Variants in UBE2E2 observed in about 807,000 individuals in gnomAD.
UBE2E2 encodes ubiquitin conjugating enzyme E2 E2, also known as ubiquitin-conjugating enzyme E2 E2.
A neutral mutation model predicts 24.7 loss-of-function variants in UBE2E2; 6 were observed. The observed-to-expected ratio is 0.24, with a 90% CI of 0.13 to 0.48. The LOEUF (loss-of-function observed/expected upper bound fraction) is 0.48. Ranked by LOEUF, UBE2E2 falls within the 20% of genes least tolerant of loss-of-function variation. The probability of loss-of-function intolerance (pLI) is 0.99; values close to 1 mark genes in which losing one functional copy is unlikely to be tolerated. For synonymous variants in UBE2E2, 104 were observed against 83.6 expected, an observed-to-expected ratio of 1.24 and a Z score of -1.33; for missense variants, 169 against 245.0, an observed-to-expected ratio of 0.69 and a Z score of 2.07.
chr3:23,479,549 G>A (rs1047602584), intron 3 of UBE2E2, among the ~76,000 whole-genome samples: 1 of 152,078 alleles, frequency 6.6e-6, no homozygotes, highest in Non-Finnish European at 1.5e-5. Context: ...GGTAGGGGGG[G>A]TATGTTTCAG....
chr3:23,347,325 T>C (rs1162730666), intron 3 of UBE2E2, among the ~76,000 whole-genome samples: 1 of 152,144 alleles, frequency 6.6e-6, no homozygotes, highest in Non-Finnish European at 1.5e-5. Context: ...AATAATAGAC[T>C]GAATTAAGAA....
At chr3:23,281,154 A>G (rs753748645) in intron 3 of UBE2E2, among the ~76,000 whole-genome samples, 10 of 152,244 alleles carry the variant, frequency 6.6e-5, no homozygotes, top group Non-Finnish European at 1.2e-4. Flanking sequence ...TTGAGTTGCA[A>G]TATATGAATT....
intron 3 of UBE2E2, among the ~76,000 whole-genome samples, chr3:23,467,818 G>C (rs541017916): frequency 3.6e-4 from 55 of 152,182 alleles, no homozygotes; most frequent in Non-Finnish European, 6.3e-4. Context: ...CTGCTTCTGG[G>C]GAGGCCTCAG....
At chr3:23,395,774 T>A in intron 3 of UBE2E2, among the ~76,000 whole-genome samples, 1 of 152,186 alleles carries the variant, frequency 6.6e-6, no homozygotes, top group East Asian at 1.9e-4. Flanking sequence ...ATAAGTGCTC[T>A]CTGTTCTGTC....
chr3:23,300,419 T>C (rs1575544303), intron 3 of UBE2E2, among the ~76,000 whole-genome samples: 1 of 152,238 alleles, frequency 6.6e-6, no homozygotes, highest in African/African-American at 2.4e-5. Context: ...CAGTGGCTGG[T>C]ACCGGTTGTC....
At chr3:23,556,454 T>TTTAAAAAAAAA (rs1553620573) in intron 5 of UBE2E2, among the ~76,000 whole-genome samples, 1 of 94,342 alleles carries the variant, frequency 1.1e-5, no homozygotes, top group African/African-American at 4.5e-5. Context: ...AAAATTTATT[T>TTTAAAAAAAAA]AAAAAAAAAA....
chr3:23,557,605 G>A (rs1370794762), intron 5 of UBE2E2, among the ~76,000 whole-genome samples: 1 of 152,178 alleles, frequency 6.6e-6, no homozygotes, highest in Non-Finnish European at 1.5e-5. Context: ...GACGCAGTGA[G>A]AACATGCAAA....
At chr3:23,499,799 A>T in intron 4 of UBE2E2, 59 bp downstream of exon 4, 1 of 1,563,846 alleles carries the variant, frequency 6.4e-7, no homozygotes, top group Non-Finnish European at 8.7e-7. Context: ...AGATACATAT[A>T]CTTATTCTTA....
chr3:23,219,362 G>T (rs1295765682), intron 3 of UBE2E2, among the ~76,000 whole-genome samples: 2 of 152,160 alleles, frequency 1.3e-5, no homozygotes, highest in Non-Finnish European at 2.9e-5. Context: ...CTTATTAAGT[G>T]CATCACTGTG....
chr3:23,332,675 GTGTGTGT>G (rs1350297826), intron 3 of UBE2E2, among the ~76,000 whole-genome samples: 6,760 of 106,486 alleles, frequency 0.063, 215 homozygotes, highest in Non-Finnish European at 0.089. Flanking sequence ...AGCCAGTGGG[GTGTGTGT>G]GTGTGTGTGT....
In UBE2E2 at chr3:23,298,111, T is replaced by C. The variant is rs149580528; in HGVS notation, c.227+80799T>C. Among the ~76,000 whole-genome samples the C allele has an allele frequency of 4.9e-3, 743 of 152,316 alleles. 7 individuals are homozygous for C. The highest frequency in any genetic ancestry group is 0.017 in the African/African-American group (711 of 41,562). ...TTTGTCTCTTATTGCTGTATAAGAA[T>C]GCTTGTGATTTTTGTACATTGAATT... On this transcript the variant is annotated intron_variant, in intron 3 of 5. Coordinates refer to ENST00000396703, the MANE Select transcript of UBE2E2 (RefSeq NM_152653.4).
intron 3 of UBE2E2, among the ~76,000 whole-genome samples, chr3:23,398,551 G>A (rs1310181141): frequency 1.3e-5 from 2 of 152,138 alleles, no homozygotes; most frequent in Non-Finnish European, 1.5e-5. Context: ...ATGAATACTT[G>A]TGGAGAACTG....
At chr3:23,566,579 G>C (rs1696079006) in intron 5 of UBE2E2, among the ~76,000 whole-genome samples, 1 of 152,148 alleles carries the variant, frequency 6.6e-6, no homozygotes, top group African/African-American at 2.4e-5. Context: ...CTTCTGGAAG[G>C]GCCTCAGGAA....
At chr3:23,223,194 A>G (rs1429271981) in intron 3 of UBE2E2, among the ~76,000 whole-genome samples, 1 of 122,836 alleles carries the variant, frequency 8.1e-6, no homozygotes. Flanking sequence ...TGATTTTTGT[A>G]TTTTTTTTTT....
chr3:23,393,347 C>G lies in UBE2E2; in HGVS notation c.228-106261C>G, dbSNP rs1696997568. 2.0e-5 allele frequency among the ~76,000 whole-genome samples: 3 copies of G among 152,228 alleles called. No individual in the cohort carries two copies. The South Asian group carries it at 6.2e-4, about 32-fold the overall frequency. On this transcript the variant is annotated intron_variant, in intron 3 of 5. Transcript: ENST00000396703. ...TAAGTCAGGAAAGTGAGGGAATGTC[C>G]TAAGAAGATGCTCAGGATATATGAG...
chr3:23,392,706 G>GTGTATTTT (rs1488031044), intron 3 of UBE2E2, among the ~76,000 whole-genome samples: 8 of 152,154 alleles, frequency 5.3e-5, no homozygotes, highest in African/African-American at 1.9e-4. Context: ...CTAGTAAAAT[G>GTGTATTTT]TTAGCTCTTT....
rs142794406 is a variant in UBE2E2, at chr3:23,316,166, G to A, written c.227+98854G>A. On this transcript the variant is annotated intron_variant, in intron 3 of 5. Coordinates refer to ENST00000396703, the MANE Select transcript of UBE2E2 (RefSeq NM_152653.4). ...TTGCTTAAGGTCCTAGAGCTTTGCC[G>A]TCAGCAGTTGGCAAAACCAACCAGG... Among the ~76,000 whole-genome samples, 475 of 152,198 alleles carry A rather than the reference G, an allele frequency of 3.1e-3. 3 individuals carry two copies. The highest frequency in any genetic ancestry group is 0.011 in the African/African-American group (454 of 41,538).
chr3:23,205,965 A>G (rs1696134186), intron 1 of UBE2E2, among the ~76,000 whole-genome samples: 1 of 152,212 alleles, frequency 6.6e-6, no homozygotes, highest in Non-Finnish European at 1.5e-5. Context: ...GTGGCTTTAT[A>G]ACTAATGTTA....
At chr3:23,241,921 C>T (rs1443643353) in intron 3 of UBE2E2, among the ~76,000 whole-genome samples, 2 of 152,060 alleles carry the variant, frequency 1.3e-5, no homozygotes, top group Admixed American at 6.6e-5. Flanking sequence ...TGTTTCTTGT[C>T]TTAATATAGA....
Sources: gnomAD v4.1 joint callset for allele counts (sites outside exome capture counted in the v4.1 genomes callset) on GRCh38, gnomAD v4.1.1 for gene constraint, MANE v1.5 for transcripts, NCBI Gene and HGNC (gene_info 2026-07-23, HGNC 2026-07-21) for gene names.